The following EIF5A2 variants were observed in gnomAD, a reference collection of about 807,000 sequenced individuals.
The protein encoded by EIF5A2 is eukaryotic translation initiation factor 5A2.
A neutral mutation model predicts 16.4 loss-of-function variants in EIF5A2; 15 were observed. That is an observed-to-expected ratio of 0.92 (90% CI 0.61 to 1.41). The LOEUF (loss-of-function observed/expected upper bound fraction) is 1.41. Among genes scored for constraint, EIF5A2 ranks in the 40% most tolerant of loss-of-function variants. The pLI is 0.00. For synonymous variants in EIF5A2, 48 were observed against 61.1 expected, an observed-to-expected ratio of 0.79 and a Z score of 1.00; for missense variants, 144 against 189.5, an observed-to-expected ratio of 0.76 and a Z score of 1.41.
chr3:170,894,162 TGA>T, intron 4 of EIF5A2, 128 bp downstream of exon 4: 2 of 1,057,946 alleles, frequency 1.9e-6, no homozygotes, highest in Non-Finnish European at 2.7e-6. Flanking sequence ...AAAACCTGCC[TGA>T]GAGATCATTT....
chr3:170,902,364 C>A (rs1345468935), intron 3 of EIF5A2, among the ~76,000 whole-genome samples: 1 of 148,776 alleles, frequency 6.7e-6, no homozygotes, highest in Non-Finnish European at 1.5e-5. Context: ...TGGATTTGCA[C>A]TGATTATGAG....
rs951103550 is a variant in EIF5A2, at chr3:170,890,408, C to T, written c.*2952G>A. ...GAGAGTTTTGGTAATTAACATAAAGCGCTGGTACAGAGACTTGTATCATTA... is the reference window on the plus strand; with the variant it reads ...GAGAGTTTTGGTAATTAACATAAAGTGCTGGTACAGAGACTTGTATCATTA... On this transcript the variant is annotated 3_prime_UTR_variant, in exon 5 of 5. Transcript: ENST00000295822. 4.6e-5 allele frequency: 7 copies of T among 151,890 alleles called. No individual in the cohort carries two copies. The highest frequency in any genetic ancestry group is 7.3e-5 in the African/African-American group (3 of 41,360). 9.4% of individuals were successfully genotyped at this position (151,890 alleles called of 1,614,324 possible). A position where few individuals can be genotyped will look rare whatever the true frequency, so the allele number is the denominator to read the frequency against.
chr3:170,905,830 C>T (rs112610207), intron 3 of EIF5A2, among the ~76,000 whole-genome samples: 1,771 of 152,202 alleles, frequency 0.012, 39 homozygotes, highest in African/African-American at 0.041. Context: ...AGGTGTATAA[C>T]TTGTCCAAAA....
At chr3:170,897,233 T>C (rs1363792894) in intron 3 of EIF5A2, among the ~76,000 whole-genome samples, 1 of 152,162 alleles carries the variant, frequency 6.6e-6, no homozygotes, top group Non-Finnish European at 1.5e-5. Context: ...CCTGACCATG[T>C]AGTAGAAAAG....
chr3:170,896,334 C>T (rs574384998), intron 3 of EIF5A2, among the ~76,000 whole-genome samples: 5 of 152,004 alleles, frequency 3.3e-5, no homozygotes, highest in African/African-American at 7.2e-5. Flanking sequence ...AACTAAGCTA[C>T]GAAAAACAAA....
chr3:170,892,484 C>A lies in EIF5A2; in HGVS notation c.*876G>T, dbSNP rs6779919. 60,857 of 224,680 alleles carry A rather than the reference C, an allele frequency of 0.27. 7,344 individuals carry two copies. The highest frequency in any genetic ancestry group is 0.35 in the Middle Eastern group (240 of 688). 13.9% of individuals were successfully genotyped at this position (224,680 alleles called of 1,614,324 possible). The stretch of plus-strand genomic sequence containing the variant: ...AAGGAGTATTTACTGATAAATATTA[C>A]TATTTATTCAACATAGTTGGAAAAC... On this transcript the variant is annotated 3_prime_UTR_variant, in exon 5 of 5. Coordinates refer to ENST00000295822, the MANE Select transcript of EIF5A2 (RefSeq NM_020390.6).
chr3:170,903,855 T>A (rs1469804273), intron 3 of EIF5A2, among the ~76,000 whole-genome samples: 1 of 152,242 alleles, frequency 6.6e-6, no homozygotes, highest in Non-Finnish European at 1.5e-5. Flanking sequence ...TAGAATTTAA[T>A]AGTCACAGTT....
chr3:170,899,995 G>A (rs1481281577), intron 3 of EIF5A2, among the ~76,000 whole-genome samples: 3 of 151,540 alleles, frequency 2.0e-5, no homozygotes, highest in African/African-American at 7.3e-5. Context: ...CAGAGGTGAG[G>A]GTCAAAAAAC....
At chr3:170,901,218 A>G (rs1422598595) in intron 3 of EIF5A2, among the ~76,000 whole-genome samples, 1 of 152,174 alleles carries the variant, frequency 6.6e-6, no homozygotes, top group Non-Finnish European at 1.5e-5. Context: ...AATTAATCAC[A>G]CTGGTAATTG....
chr3:170,905,495 T>G (rs923237959), intron 3 of EIF5A2, among the ~76,000 whole-genome samples: 2 of 152,250 alleles, frequency 1.3e-5, no homozygotes, highest in African/African-American at 4.8e-5. Context: ...TATTGAATAG[T>G]CAAAGCTTTC....
Position 170,896,565 on chromosome 3 carries a change from T to C in EIF5A2, c.271-2142A>G, listed in dbSNP as rs574542062. On this transcript the variant is annotated intron_variant, in intron 3 of 4. Transcript: ENST00000295822. ...TCACTTGCTGTATCTCCTGCTGCCA[T>C]GTAAGATGTGCCTTGCTTCCCCTTC... is the stretch of plus-strand genomic sequence containing the variant. Among the ~76,000 whole-genome samples, 3 of 152,304 alleles carry C rather than the reference T, an allele frequency of 2.0e-5. No individual in the cohort carries two copies. In the East Asian group the frequency reaches 5.8e-4, roughly 29 times the overall value.
chr3:170,902,853 C>T (rs1390470397), intron 3 of EIF5A2, among the ~76,000 whole-genome samples: 1 of 152,056 alleles, frequency 6.6e-6, no homozygotes, highest in Non-Finnish European at 1.5e-5. Context: ...GATCTGCCCG[C>T]CTTGGCCTCC....
At chr3:170,907,522 G>T in intron 2 of EIF5A2, 120 bp downstream of exon 2, 1 of 1,174,864 alleles carries the variant, frequency 8.5e-7, no homozygotes, top group Non-Finnish European at 1.2e-6. Context: ...GTAATTGTGG[G>T]AAGGAAAAAA....
At chr3:170,902,607 CTT>C (rs1178996738) in intron 3 of EIF5A2, among the ~76,000 whole-genome samples, 33 of 102,216 alleles carry the variant, frequency 3.2e-4, no homozygotes, top group Admixed American at 6.1e-4. Context: ...AGAAGCCTTC[CTT>C]TTTTTTTTTT....
rs1395089773 is a variant in EIF5A2 at position 170,888,924 on chromosome 3, T to C, written c.*4436A>G. 6.6e-6 allele frequency: 1 copy of C among 152,234 alleles called. No homozygotes were observed. Among genetic ancestry groups the C allele is most frequent in the Non-Finnish European group, 1.5e-5 (1 of 67,998 alleles). The allele number at this position is 152,234 out of a possible 1,614,324, so 9.4% of individuals were successfully genotyped here. On this transcript the variant is annotated 3_prime_UTR_variant, in exon 5 of 5. Transcript: ENST00000295822. ...ATCACAACTATGATGTGTGACAAGC[T>C]GTTCGGTCATTGCTGAAAATAGTCC...
At chr3:170,897,367 T>C (rs1712699559) in intron 3 of EIF5A2, among the ~76,000 whole-genome samples, 1 of 152,202 alleles carries the variant, frequency 6.6e-6, no homozygotes, top group South Asian at 2.1e-4. Flanking sequence ...GATATCTTCA[T>C]GGCATCCCCT....
rs752252330 is a variant in EIF5A2, at chr3:170,894,417, A to G, written c.277T>C (p.Cys93Arg). 3 of 1,613,742 alleles carry G rather than the reference A, an allele frequency of 1.9e-6. No individual in the cohort carries two copies. Among genetic ancestry groups the G allele is most frequent in the African/African-American group, 1.3e-5 (1 of 74,924 alleles). Residue 93 changes from cysteine to arginine, a missense_variant, in exon 4 of 5, where the codon TGC becomes CGC. Cys to Arg is a radical substitution (Grantham distance 180). Coordinates refer to ENST00000295822, the MANE Select transcript of EIF5A2 (RefSeq NM_020390.6). ...NIKRNDYQLI[C>R]IQDGYLSLLT... ...AGGGAAAGGTAACCATCTTGAATGC[A>G]TATCAGCTATTAGAAGAAATTATAT...
chr3:170,895,012 C>G (rs1170860286), intron 3 of EIF5A2, among the ~76,000 whole-genome samples: 1 of 116,822 alleles, frequency 8.6e-6, no homozygotes, highest in African/African-American at 3.4e-5. Context: ...GGCGACAGAG[C>G]GAGACTCTGT....
At chr3:170,897,913 A>G (rs532013141) in intron 3 of EIF5A2, among the ~76,000 whole-genome samples, 2 of 152,350 alleles carry the variant, frequency 1.3e-5, no homozygotes, top group East Asian at 1.9e-4. Flanking sequence ...GTAGAGCCAC[A>G]GGGGTGGAGC....
Sources: allele counts gnomAD v4.1 joint callset (sites outside exome capture counted in the v4.1 genomes callset), GRCh38; gene constraint gnomAD v4.1.1; transcripts MANE v1.5; gene names NCBI Gene and HGNC (gene_info 2026-07-23, HGNC 2026-07-21).